CAMK1D: variants seen among roughly 807,000 people sequenced by gnomAD.
CAMK1D encodes calcium/calmodulin dependent protein kinase ID.
Under a neutral mutation model 47.7 loss-of-function variants are expected in CAMK1D, and 9 were observed. The observed-to-expected ratio is 0.19, with a 90% CI of 0.11 to 0.33. CAMK1D has a LOEUF of 0.33. CAMK1D is among the 10% of genes least tolerant of loss of function. The probability of loss-of-function intolerance (pLI) is 1.00; values close to 1 mark genes in which losing one functional copy is unlikely to be tolerated. For missense variants in CAMK1D, 291 were observed against 488.7 expected (o/e 0.60, Z 3.81); for synonymous variants, 184 against 184.9 (o/e 0.99, Z 0.04).
chr10:12,530,664 G>T (rs1353056903), intron 1 of CAMK1D, among the ~76,000 whole-genome samples: 3 of 152,102 alleles, frequency 2.0e-5, no homozygotes, highest in Admixed American at 6.5e-5. Context: ...GGGAGGCAGC[G>T]GTTCCCCCTA....
intron 3 of CAMK1D, among the ~76,000 whole-genome samples, chr10:12,680,913 C>T (rs907088848): frequency 6.6e-6 from 1 of 151,640 alleles, no homozygotes; most frequent in Non-Finnish European, 1.5e-5. Context: ...CTTTACTCCA[C>T]TGTAGCTCAG....
At chr10:12,767,012 C>T (rs1262344101) in intron 4 of CAMK1D, among the ~76,000 whole-genome samples, 2 of 152,090 alleles carry the variant, frequency 1.3e-5, no homozygotes, top group African/African-American at 4.8e-5. Context: ...AAATCCAGAG[C>T]CCTGGGCCCC....
At chr10:12,708,339 G>A (rs923701974) in intron 3 of CAMK1D, among the ~76,000 whole-genome samples, 5 of 128,286 alleles carry the variant, frequency 3.9e-5, no homozygotes, top group Non-Finnish European at 9.0e-5. Context: ...GGGTGGTGAT[G>A]GGAGGGAGGG....
chr10:12,612,017 G>A (rs1838642378), intron 2 of CAMK1D, among the ~76,000 whole-genome samples: 1 of 152,228 alleles, frequency 6.6e-6, no homozygotes, highest in African/African-American at 2.4e-5. Flanking sequence ...GGAACTTGCT[G>A]GACACGGTAG....
intron 4 of CAMK1D, among the ~76,000 whole-genome samples, chr10:12,766,486 G>T (rs1836772283): frequency 1.3e-5 from 2 of 151,040 alleles, no homozygotes; most frequent in Admixed American, 6.6e-5. Flanking sequence ...CTGACCCCCA[G>T]GTGGCCCTTT....
chr10:12,438,346 G>C lies in CAMK1D; in HGVS notation c.92+88436G>C, dbSNP rs1588485715. Among the ~76,000 whole-genome samples the C allele has an allele frequency of 1.3e-5, 2 of 152,126 alleles. 1 individual carries two copies. The highest frequency in any genetic ancestry group is 3.8e-4 in the East Asian group (2 of 5,196). ...CCCTTGGTGTCTTTTTTCCATCTCT[G>C]AGACTTTGCTTCCCCTGTCGTGATG... On this transcript the variant is annotated intron_variant, in intron 1 of 10. Transcript: ENST00000619168.
At chr10:12,525,950 T>C (rs112125842) in intron 1 of CAMK1D, among the ~76,000 whole-genome samples, 34,998 of 152,014 alleles carry the variant, frequency 0.23, 4,291 homozygotes, top group South Asian at 0.27. Flanking sequence ...GAAGGGGTTT[T>C]ACCATGTTGG....
chr10:12,577,509 A>G (rs1837526990), intron 2 of CAMK1D, among the ~76,000 whole-genome samples: 1 of 152,254 alleles, frequency 6.6e-6, no homozygotes, highest in Admixed American at 6.5e-5. Context: ...TAATAAATGT[A>G]AAGAGATCCA....
intron 3 of CAMK1D, among the ~76,000 whole-genome samples, chr10:12,733,345 A>C (rs189441373): frequency 2.6e-5 from 4 of 152,348 alleles, no homozygotes; most frequent in Admixed American, 2.0e-4. Context: ...ATATTTTAAG[A>C]GAAAAATTGC....
intron 3 of CAMK1D, among the ~76,000 whole-genome samples, chr10:12,733,724 A>T (rs4747998): frequency 3.9e-5 from 6 of 152,174 alleles, no homozygotes; most frequent in Admixed American, 6.5e-5. Flanking sequence ...TTTGAATGAC[A>T]GGGCGTGTTA....
At chr10:12,783,294 G>C (rs1301285981) in intron 5 of CAMK1D, among the ~76,000 whole-genome samples, 2 of 152,114 alleles carry the variant, frequency 1.3e-5, no homozygotes, top group African/African-American at 4.8e-5. Flanking sequence ...TACCCGGCCT[G>C]GTGCTGGACT....
chr10:12,597,143 C>T (rs1474888615), intron 2 of CAMK1D, among the ~76,000 whole-genome samples: 1 of 152,064 alleles, frequency 6.6e-6, no homozygotes, highest in African/African-American at 2.4e-5. Context: ...GCACTTCTTG[C>T]CTCCCTAGGT....
At chr10:12,448,588 T>C (rs577361376) in intron 1 of CAMK1D, among the ~76,000 whole-genome samples, 38 of 152,290 alleles carry the variant, frequency 2.5e-4, no homozygotes, top group African/African-American at 9.1e-4. Flanking sequence ...CTAGGTTTGT[T>C]TGGAGAAGAG....
chr10:12,623,063 C>CCCTTCCTCCCTTCCTT (rs1839051703), intron 2 of CAMK1D, among the ~76,000 whole-genome samples: 1 of 94,332 alleles, frequency 1.1e-5, no homozygotes, highest in Non-Finnish European at 2.1e-5. Flanking sequence ...CTCCCTCCCT[C>CCCTTCCTCCCTTCCTT]CCTTCCTCCC....
At chr10:12,395,497 G>T (rs1838910558) in intron 1 of CAMK1D, among the ~76,000 whole-genome samples, 1 of 152,086 alleles carries the variant, frequency 6.6e-6, no homozygotes, top group East Asian at 1.9e-4. Context: ...GAAACTTTAA[G>T]ACAAAATAAA....
At chr10:12,358,353 G>T (rs1251543835) in intron 1 of CAMK1D, among the ~76,000 whole-genome samples, 1 of 152,054 alleles carries the variant, frequency 6.6e-6, no homozygotes, top group Non-Finnish European at 1.5e-5. Flanking sequence ...GGCCAACATG[G>T]TAAAACCCCG....
At chr10:12,594,876 C>T (rs183673058) in intron 2 of CAMK1D, among the ~76,000 whole-genome samples, 119 of 152,178 alleles carry the variant, frequency 7.8e-4, no homozygotes, top group African/African-American at 2.7e-3. Flanking sequence ...GCAGCCAGGC[C>T]CAGGCTGCAG....
chr10:12,487,547 G>T (rs1291990450), intron 1 of CAMK1D, among the ~76,000 whole-genome samples: 2 of 152,250 alleles, frequency 1.3e-5, no homozygotes, highest in African/African-American at 2.4e-5. Flanking sequence ...ATTTGAGTTT[G>T]ATTTTATTGG....
chr10:12,560,569 AAAAG>A (rs1836907673), intron 2 of CAMK1D, among the ~76,000 whole-genome samples: 4 of 151,750 alleles, frequency 2.6e-5, no homozygotes, highest in Non-Finnish European at 5.9e-5. Context: ...AAAAAAAAAA[AAAAG>A]AAGAAGAAGA....
Sources: gnomAD v4.1 joint callset for allele counts (sites outside exome capture counted in the v4.1 genomes callset) on GRCh38, gnomAD v4.1.1 for gene constraint, MANE v1.5 for transcripts, NCBI Gene and HGNC (gene_info 2026-07-23, HGNC 2026-07-21) for gene names.